KCNH5: variants seen among roughly 807,000 people sequenced by gnomAD.
KCNH5 encodes the protein potassium voltage-gated channel subfamily H member 5, also known as voltage-gated delayed rectifier potassium channel KCNH5.
Under a neutral mutation model 96.1 loss-of-function variants are expected in KCNH5, and 46 were observed. The observed-to-expected ratio is 0.48, with a 90% CI of 0.38 to 0.61. KCNH5 has a LOEUF of 0.61. Ranked by LOEUF, KCNH5 falls within the 20% of genes least tolerant of loss-of-function variation. The probability of loss-of-function intolerance (pLI) is 0.00; values close to 1 mark genes in which losing one functional copy is unlikely to be tolerated. For missense variants in KCNH5, 907 were observed against 1,225.8 expected (o/e 0.74, Z 3.88); for synonymous variants, 439 against 449.8 (o/e 0.98, Z 0.30).
intron 10 of KCNH5, among the ~76,000 whole-genome samples, chr14:62,759,573 A>ATATATATATATATATTT (rs1171935428): frequency 6.6e-6 from 1 of 151,080 alleles, no homozygotes; most frequent in Non-Finnish European, 1.5e-5. Context: ...CGTAGGGTAT[A>ATATATATATATATATTT]TTTTTTAATA....
chr14:62,992,778 T>C (rs1890834556), intron 4 of KCNH5, among the ~76,000 whole-genome samples: 1 of 152,092 alleles, frequency 6.6e-6, no homozygotes, highest in Non-Finnish European at 1.5e-5. Context: ...CTGTTCACTC[T>C]GTTGGTTCTT....
chr14:62,842,377 G>C lies in KCNH5; in HGVS notation c.1569+7276C>G, dbSNP rs796725166. Among the ~76,000 whole-genome samples, 13 of 149,602 alleles carry C rather than the reference G, an allele frequency of 8.7e-5. 1 individual carries two copies. The highest frequency in any genetic ancestry group is 3.3e-4 in the African/African-American group (13 of 39,000). On this transcript the variant is annotated intron_variant, in intron 8 of 10. Transcript: ENST00000322893. The stretch of plus-strand genomic sequence containing the variant: ...TCTACTTTCTCACATAAAATGTGTA[G>C]GTCAGTCAGAAAAGAAAAATGTCAA...
chr14:62,772,452 C>T (rs1886008087), intron 10 of KCNH5, among the ~76,000 whole-genome samples: 1 of 151,966 alleles, frequency 6.6e-6, no homozygotes, highest in East Asian at 1.9e-4. Flanking sequence ...GCCTGGCCAA[C>T]ATGGTGAAAC....
At chr14:63,021,822 T>A (rs1891433393) in intron 1 of KCNH5, among the ~76,000 whole-genome samples, 2 of 152,184 alleles carry the variant, frequency 1.3e-5, no homozygotes, top group East Asian at 1.9e-4. Context: ...ATGCTTGGCT[T>A]TCACAGAACA....
chr14:63,032,587 A>G (rs1322799781), intron 1 of KCNH5, among the ~76,000 whole-genome samples: 1 of 152,204 alleles, frequency 6.6e-6, no homozygotes, highest in Admixed American at 6.5e-5. Flanking sequence ...TTTATTATAA[A>G]GTTAGGTTTA....
rs149935435 is a variant in KCNH5 at position 62,989,018 on chromosome 14, TAC to T, written c.434-1833_434-1832del. Among the ~76,000 whole-genome samples the T allele has an allele frequency of 5.0e-4, 73 of 145,984 alleles. 4 individuals carry two copies. In the South Asian group the frequency reaches 5.7e-3, roughly 11 times the overall value. On this transcript the variant is annotated intron_variant, in intron 4 of 10. Coordinates refer to ENST00000322893, the MANE Select transcript of KCNH5 (RefSeq NM_139318.5). ...TCGCCATCCTCTTTTCACTATTACCTACACACACACACATACACACACACACA... is the reference window on the plus strand; with the variant it reads ...TCGCCATCCTCTTTTCACTATTACCTACACACACACATACACACACACACA...
chr14:62,918,362 T>C (rs946794939), intron 7 of KCNH5, among the ~76,000 whole-genome samples: 1 of 152,066 alleles, frequency 6.6e-6, no homozygotes, highest in African/African-American at 2.4e-5. Flanking sequence ...AAAGGTCTGT[T>C]TGACCATATA....
intron 7 of KCNH5, among the ~76,000 whole-genome samples, chr14:62,912,397 CT>C (rs1169664564): frequency 1.3e-5 from 2 of 151,694 alleles, no homozygotes; most frequent in East Asian, 3.9e-4. Context: ...CATTTACTTC[CT>C]TCTATATCTT....
chr14:62,778,533 C>A (rs1025624210), intron 10 of KCNH5, among the ~76,000 whole-genome samples: 1 of 152,240 alleles, frequency 6.6e-6, no homozygotes, highest in Non-Finnish European at 1.5e-5. Context: ...CTCCCTAACA[C>A]ATAAGTGAGA....
At chr14:62,864,464 G>GT (rs149648753) in intron 7 of KCNH5, among the ~76,000 whole-genome samples, 16,244 of 152,122 alleles carry the variant, frequency 0.11, 1,120 homozygotes, top group East Asian at 0.27. Flanking sequence ...AAGCTGACCT[G>GT]AGGCTTTAAA....
At chr14:62,783,783 T>C (rs1886266327) in intron 9 of KCNH5, among the ~76,000 whole-genome samples, 1 of 152,066 alleles carries the variant, frequency 6.6e-6, no homozygotes, top group Admixed American at 6.6e-5. Context: ...AAACAGCTTT[T>C]GAGGTAACAT....
intron 10 of KCNH5, among the ~76,000 whole-genome samples, chr14:62,755,564 C>T (rs555386042): frequency 2.0e-3 from 298 of 152,182 alleles, no homozygotes; most frequent in Non-Finnish European, 3.1e-3. Flanking sequence ...AGGAATCCTT[C>T]CAAACTCATT....
intron 6 of KCNH5, among the ~76,000 whole-genome samples, chr14:62,969,670 G>T (rs1890366256): frequency 1.3e-5 from 2 of 151,984 alleles, no homozygotes; most frequent in South Asian, 4.2e-4. Context: ...TGGATTGATT[G>T]GTGCAGCAAA....
intron 7 of KCNH5, among the ~76,000 whole-genome samples, chr14:62,910,878 C>T (rs1035048048): frequency 6.9e-6 from 1 of 145,604 alleles, no homozygotes; most frequent in African/African-American, 2.6e-5. Flanking sequence ...GCTAATCAAA[C>T]AGGGTATGTG....
chr14:62,943,847 T>A (rs967665323), intron 7 of KCNH5, among the ~76,000 whole-genome samples: 1 of 152,128 alleles, frequency 6.6e-6, no homozygotes, highest in Non-Finnish European at 1.5e-5. Flanking sequence ...TGACGGTAGA[T>A]GTATATAGAG....
intron 9 of KCNH5, among the ~76,000 whole-genome samples, chr14:62,794,151 T>C (rs1886491752): frequency 6.6e-6 from 1 of 152,010 alleles, no homozygotes. Context: ...GTAGCTGATT[T>C]AGCCAATTCA....
intron 6 of KCNH5, among the ~76,000 whole-genome samples, chr14:62,973,440 C>CA (rs1189637005): frequency 6.6e-6 from 1 of 152,098 alleles, no homozygotes; most frequent in Non-Finnish European, 1.5e-5. Context: ...GAGGGATCTG[C>CA]CCTCATGCAT....
At chr14:62,725,859 A>G (rs996560505) in intron 10 of KCNH5, among the ~76,000 whole-genome samples, 1 of 152,258 alleles carries the variant, frequency 6.6e-6, no homozygotes, top group Non-Finnish European at 1.5e-5. Context: ...AGCAATATTC[A>G]TTAAGAAGAA....
rs1343970066 is a variant in KCNH5, at chr14:62,707,294, C to T, written c.*214G>A. The T allele has an allele frequency of 3.4e-6, 1 of 292,988 alleles. No homozygotes were observed. Among genetic ancestry groups the T allele is most frequent in the Non-Finnish European group, 6.1e-6 (1 of 163,154 alleles). 18.1% of individuals were successfully genotyped at this position (292,988 alleles called of 1,614,324 possible). On this transcript the variant is annotated 3_prime_UTR_variant, in exon 11 of 11. Transcript: ENST00000322893. The stretch of plus-strand genomic sequence containing the variant: ...TATAAATAAATGTAAAGTGTGCATG[C>T]AGTCAACTGCATAATATACAAGCAA...
Sources: gnomAD v4.1 joint callset for allele counts (sites outside exome capture counted in the v4.1 genomes callset) on GRCh38, gnomAD v4.1.1 for gene constraint, MANE v1.5 for transcripts, NCBI Gene and HGNC (gene_info 2026-07-23, HGNC 2026-07-21) for gene names.